The following HS1BP3 variants were observed in gnomAD, a reference collection of about 807,000 sequenced individuals.
HS1BP3 encodes the protein HCLS1-binding protein 3.
In HS1BP3, 32 loss-of-function variants were observed where a neutral mutation model predicts 33.5. That is an observed-to-expected ratio of 0.95 (90% CI 0.72 to 1.28). The LOEUF is 1.28. HS1BP3 is among the 50% of genes most tolerant of loss of function. The pLI, the probability that HS1BP3 is intolerant of heterozygous loss-of-function variation, is 0.00. For synonymous variants in HS1BP3, 187 were observed against 209.2 expected (o/e 0.89, Z 0.92); for missense variants, 486 against 502.3 (o/e 0.97, Z 0.31).
intron 2 of HS1BP3, among the ~76,000 whole-genome samples, chr2:20,643,794 A>T (rs1695432124): frequency 6.6e-6 from 1 of 151,934 alleles, no homozygotes; most frequent in Non-Finnish European, 1.5e-5. Flanking sequence ...AAAGCTGGGC[A>T]TGGTGGTGTG....
intron 5 of HS1BP3, among the ~76,000 whole-genome samples, chr2:20,579,512 C>A (rs1392263229): frequency 1.1e-4 from 17 of 152,218 alleles, no homozygotes; most frequent in Admixed American, 1.1e-3. Context: ...GACTTCCGGC[C>A]CTCAGAGAAA....
At chr2:20,578,434 C>T (rs1572298441) in intron 5 of HS1BP3, among the ~76,000 whole-genome samples, 1 of 152,196 alleles carries the variant, frequency 6.6e-6, no homozygotes, top group Non-Finnish European at 1.5e-5. Context: ...AGAAGTAGAG[C>T]CCCAGCTGAG....
chr2:20,556,014 A>C (rs1692833800), downstream of HS1BP3, among the ~76,000 whole-genome samples: 1 of 152,230 alleles, frequency 6.6e-6, no homozygotes, highest in Non-Finnish European at 1.5e-5. Context: ...ACAGGTGCAA[A>C]ATAAAGATGC....
At chr2:20,579,762 G>A (rs1693488884) in intron 5 of HS1BP3, among the ~76,000 whole-genome samples, 1 of 152,162 alleles carries the variant, frequency 6.6e-6, no homozygotes, top group African/African-American at 2.4e-5. Context: ...GAAAACCTGG[G>A]TTCTGAGCCA....
intron 4 of HS1BP3, chr2:20,635,635 T>A (rs1226479169): frequency 6.6e-6 from 1 of 152,062 alleles, no homozygotes; most frequent in African/African-American, 2.4e-5. Context: ...AAATAGAAAC[T>A]TAAATACAAA....
the HS1BP3 span, among the ~76,000 whole-genome samples, chr2:20,555,045 G>A: frequency 9.2e-5 from 14 of 152,104 alleles, no homozygotes; most frequent in East Asian, 1.9e-4. Context: ...GGCCTGAAAC[G>A]GAACAGGCAT....
At chr2:20,605,570 G>A (rs1694158830) in intron 2 of HS1BP3, among the ~76,000 whole-genome samples, 1 of 152,070 alleles carries the variant, frequency 6.6e-6, no homozygotes, top group Non-Finnish European at 1.5e-5. Context: ...ACCCCCCAAA[G>A]GAAAACCTAT....
intron 3 of HS1BP3, among the ~76,000 whole-genome samples, chr2:20,597,715 T>C (rs1343842179): frequency 1.3e-5 from 2 of 152,096 alleles, no homozygotes; most frequent in South Asian, 2.1e-4. Flanking sequence ...AAGTGCTGAA[T>C]ATGGTATCTA....
intron 2 of HS1BP3, among the ~76,000 whole-genome samples, chr2:20,601,271 T>C (rs1400750760): frequency 1.3e-5 from 2 of 152,256 alleles, no homozygotes; most frequent in East Asian, 1.9e-4. Flanking sequence ...TTGCTTTTTA[T>C]AATTTTCCAG....
intron 5 of HS1BP3, among the ~76,000 whole-genome samples, chr2:20,561,850 A>G (rs986620357): frequency 1.3e-5 from 2 of 152,302 alleles, no homozygotes; most frequent in African/African-American, 4.8e-5. Flanking sequence ...GCATAGCTTC[A>G]GGATGAGGGC....
chr2:20,613,878 CTG>C (rs1267666347), downstream of HS1BP3, among the ~76,000 whole-genome samples: 1 of 152,224 alleles, frequency 6.6e-6, no homozygotes, highest in Non-Finnish European at 1.5e-5. Context: ...CAGGTGGTAA[CTG>C]TACTGGGTCG....
At chr2:20,564,319 C>G (rs752244877) in intron 5 of HS1BP3, among the ~76,000 whole-genome samples, 94 of 152,336 alleles carry the variant, frequency 6.2e-4, no homozygotes, top group Non-Finnish European at 1.1e-3. Flanking sequence ...GACTCCATCA[C>G]GTGGAGCAGA....
intron 2 of HS1BP3, among the ~76,000 whole-genome samples, chr2:20,607,967 T>C (rs1200509912): frequency 1.3e-5 from 2 of 152,222 alleles, no homozygotes; most frequent in Non-Finnish European, 2.9e-5. Flanking sequence ...AGTCTTCCCC[T>C]CCCTTTGTTA....
rs1695323491 is a variant in HS1BP3, at chr2:20,641,004, C to CA, written c.374dup (p.Leu125PhefsTer39). ...ACTCTAGCAGCTCTGGGCTGCCTGCCAACTCGGCATCCTTGGAGACACAGC... is the reference window on the plus strand; with the variant it reads ...ACTCTAGCAGCTCTGGGCTGCCTGCCAAACTCGGCATCCTTGGAGACACAGC... On this transcript the variant is annotated frameshift_variant, in exon 3 of 7. Coordinates refer to ENST00000304031, the MANE Select transcript of HS1BP3 (RefSeq NM_022460.4). LOFTEE classifies it high-confidence loss of function. 1.1e-5 allele frequency: 18 copies of CA among 1,614,216 alleles called. No homozygotes were observed. Among genetic ancestry groups the CA allele is most frequent in the Non-Finnish European group, 1.5e-5 (18 of 1,180,036 alleles).
rs1237333166 is a variant in HS1BP3, at chr2:20,611,684, C to T, written c.178+12212G>A. Among the ~76,000 whole-genome samples, 1 of 152,240 alleles carries T rather than the reference C, an allele frequency of 6.6e-6. No homozygotes were observed. Among genetic ancestry groups the T allele is most frequent in the Admixed American group, 6.5e-5 (1 of 15,290 alleles). On this transcript the variant is annotated intron_variant, in intron 2 of 3. Coordinates refer to the HS1BP3 transcript ENST00000415264. This position sits in a 1 kb window ranked among gnomAD's most constrained non-coding sequence, Gnocchi z 4.9. ...CCCACCTGGATCCAGTCCCCAGTCA[C>T]ATACCAGGGCCCCCTGGACACAGGG...
downstream of HS1BP3, among the ~76,000 whole-genome samples, chr2:20,555,496 T>C (rs1217334912): frequency 6.6e-6 from 1 of 152,168 alleles, no homozygotes; most frequent in Non-Finnish European, 1.5e-5. Flanking sequence ...GCCCTCACTA[T>C]AGGGGTACCC....
chr2:20,556,078 A>C (rs1692834308), downstream of HS1BP3, among the ~76,000 whole-genome samples: 1 of 152,236 alleles, frequency 6.6e-6, no homozygotes, highest in African/African-American at 2.4e-5. Flanking sequence ...TGCCCATCTC[A>C]CTACCCAGAA....
intron 3 of HS1BP3, among the ~76,000 whole-genome samples, chr2:20,595,871 A>C (rs1693931768): frequency 6.6e-6 from 1 of 152,190 alleles, no homozygotes; most frequent in African/African-American, 2.4e-5. Context: ...GTGGCCAAAA[A>C]AAAGGTCATA....
chr2:20,607,429 T>G (rs1378895335), intron 2 of HS1BP3, among the ~76,000 whole-genome samples: 1 of 152,232 alleles, frequency 6.6e-6, no homozygotes, highest in South Asian at 2.1e-4. Flanking sequence ...GTGCTGGGAT[T>G]ACAGGCATGA....
Sources: allele counts gnomAD v4.1 joint callset (sites outside exome capture counted in the v4.1 genomes callset), GRCh38; gene constraint gnomAD v4.1.1; non-coding constraint Gnocchi (gnomAD v3.1); transcripts MANE v1.5; gene names NCBI Gene and HGNC (gene_info 2026-07-23, HGNC 2026-07-21).